Variants in DENND5B observed in about 807,000 individuals in gnomAD.
The protein encoded by DENND5B is DENN domain containing 5B, also known as DENN domain-containing protein 5B.
DENND5B carries 34 observed loss-of-function variants against 140.6 expected under a neutral mutation model. The observed-to-expected ratio is 0.24, with a 90% confidence interval of 0.18 to 0.32. DENND5B has a LOEUF of 0.32. Among genes scored for constraint, DENND5B ranks in the 10% least tolerant of loss-of-function variants. DENND5B has a pLI of 1.00. For synonymous variants in DENND5B, 551 were observed against 562.1 expected (o/e 0.98, Z 0.28); for missense variants, 1,142 against 1,560.2 (o/e 0.73, Z 4.52).
At chr12:31,526,609 G>A (rs1948092487) in intron 1 of DENND5B, among the ~76,000 whole-genome samples, 1 of 152,204 alleles carries the variant, frequency 6.6e-6, no homozygotes, top group South Asian at 2.1e-4. Context: ...GAGATTAGGG[G>A]AGACTAAAGA....
chr12:31,473,542 A>G (rs182207783), intron 3 of DENND5B, among the ~76,000 whole-genome samples: 13 of 152,286 alleles, frequency 8.5e-5, no homozygotes, highest in Admixed American at 8.5e-4. Context: ...GCACTGGTAC[A>G]GACAAATTCT....
At chr12:31,398,825 T>C (rs1225882624) in intron 16 of DENND5B, among the ~76,000 whole-genome samples, 2 of 152,062 alleles carry the variant, frequency 1.3e-5, no homozygotes, top group African/African-American at 4.8e-5. Flanking sequence ...TCTGTTGTTT[T>C]AAAAAGTTTT....
chr12:31,469,371 T>G (rs1344536452), intron 3 of DENND5B, among the ~76,000 whole-genome samples: 1 of 135,414 alleles, frequency 7.4e-6, no homozygotes, highest in African/African-American at 2.7e-5. Flanking sequence ...GAAGAAGAAA[T>G]ATAGAGGAGC....
chr12:31,426,547 T>C, intron 8 of DENND5B, 123 bp from the exon 9 acceptor site: 2 of 1,085,462 alleles, frequency 1.8e-6, no homozygotes, highest in Non-Finnish European at 2.6e-6. Flanking sequence ...TATGTGCATA[T>C]AACAACAATT....
Position 31,528,641 on chromosome 12 carries a change from C to T in DENND5B, c.128-32722G>A, listed in dbSNP as rs559792381. 9.9e-5 allele frequency among the ~76,000 whole-genome samples: 15 copies of T among 152,202 alleles called. No individual in the cohort carries two copies. The South Asian group carries it at 2.1e-3, about 21-fold the overall frequency. On this transcript the variant is annotated intron_variant, in intron 1 of 20. Coordinates refer to ENST00000389082, the MANE Select transcript of DENND5B (RefSeq NM_144973.4). The stretch of plus-strand genomic sequence containing the variant: ...GATACAAAGAGAGTAATAAAGAAAG[C>T]GTGCAAGGCTTTTGAGAGACTGCAC...
At chr12:31,491,195 C>A (rs1565632343) in intron 2 of DENND5B, among the ~76,000 whole-genome samples, 2 of 152,066 alleles carry the variant, frequency 1.3e-5, no homozygotes, top group Non-Finnish European at 2.9e-5. Context: ...AAATGCAGAC[C>A]AGGCACAGTG....
intron 1 of DENND5B, among the ~76,000 whole-genome samples, chr12:31,547,792 A>G (rs1021689690): frequency 6.6e-6 from 1 of 150,704 alleles, no homozygotes; most frequent in Non-Finnish European, 1.5e-5. Flanking sequence ...TGCAACCTCT[A>G]CCACCGGGTT....
chr12:31,557,061 G>C (rs561679051), intron 1 of DENND5B, among the ~76,000 whole-genome samples: 11 of 152,248 alleles, frequency 7.2e-5, no homozygotes, highest in African/African-American at 2.6e-4. Flanking sequence ...TGGTATTCTA[G>C]ATAATGTAGA....
At chr12:31,589,719 G>T (rs1950534543) in intron 1 of DENND5B, among the ~76,000 whole-genome samples, 1 of 151,896 alleles carries the variant, frequency 6.6e-6, no homozygotes. Flanking sequence ...TCAGGCGGTA[G>T]ATGTCACTTC....
intron 3 of DENND5B, among the ~76,000 whole-genome samples, chr12:31,469,086 A>C (rs1412909574): frequency 6.6e-6 from 1 of 152,132 alleles, no homozygotes; most frequent in African/African-American, 2.4e-5. Context: ...CTGTAATCCC[A>C]GCACTTGGGA....
chr12:31,412,767 T>C (rs182428003), intron 13 of DENND5B, among the ~76,000 whole-genome samples: 2 of 152,220 alleles, frequency 1.3e-5, no homozygotes, highest in Non-Finnish European at 2.9e-5. Flanking sequence ...TTTCTTTTTT[T>C]ACTCCAGGTT....
At chr12:31,404,743 C>T (rs186900152) in intron 14 of DENND5B, among the ~76,000 whole-genome samples, 9 of 144,490 alleles carry the variant, frequency 6.2e-5, no homozygotes, top group African/African-American at 2.0e-4. Context: ...CATAAGCCAC[C>T]GCGTCCGACC....
At chr12:31,551,739 T>C (rs1023660203) in intron 1 of DENND5B, among the ~76,000 whole-genome samples, 2 of 152,204 alleles carry the variant, frequency 1.3e-5, no homozygotes, top group Admixed American at 6.5e-5. Flanking sequence ...TTTTATTTCA[T>C]TGAGCAGTGG....
rs145550795 is a variant in DENND5B at position 31,485,410 on chromosome 12, C to T, written c.238-5155G>A. Among the ~76,000 whole-genome samples the T allele has an allele frequency of 1.3e-3, 205 of 152,286 alleles. 1 individual carries two copies. The highest frequency in any genetic ancestry group is 4.7e-3 in the African/African-American group (197 of 41,562). Reference sequence around the variant, plus strand: ...CAAATCCCAAAGCACGGATATTTTACGTTACAGGAATAAACAAACTTATTT... The same window carrying T: ...CAAATCCCAAAGCACGGATATTTTATGTTACAGGAATAAACAAACTTATTT... On this transcript the variant is annotated intron_variant, in intron 2 of 20. Coordinates refer to ENST00000389082, the MANE Select transcript of DENND5B (RefSeq NM_144973.4).
At position 31,451,993 on chromosome 12, in the gene DENND5B, G is replaced by C; in HGVS notation, c.1576C>G (p.Gln526Glu). Reference protein sequence around the residue: ...DYEAFVIQTAQDMESWLTNRE... With the variant: ...DYEAFVIQTAEDMESWLTNRE... ...TTGGTCAGCCAGGATTCCATGTCCT[G>C]GGCAGTCTGAATGACAAATGCTTCG... The change falls in exon 5 of 21, where the codon CAG (glutamine) becomes GAG (glutamate). Residue 526 changes from glutamine to glutamate, a missense_variant. By Grantham distance (29) the Gln-to-Glu change is conservative. Coordinates refer to ENST00000389082, the MANE Select transcript of DENND5B (RefSeq NM_144973.4). 3 of 1,613,594 alleles carry C rather than the reference G, an allele frequency of 1.9e-6. No individual in the cohort carries two copies. Among genetic ancestry groups the C allele is most frequent in the Non-Finnish European group, 2.5e-6 (3 of 1,179,830 alleles).
At chr12:31,514,778 G>GGT (rs1947560964) in intron 1 of DENND5B, among the ~76,000 whole-genome samples, 1 of 150,206 alleles carries the variant, frequency 6.7e-6, no homozygotes. Context: ...AGCTGAGACT[G>GGT]CACCACTGCA....
intron 8 of DENND5B, chr12:31,426,700 T>G (rs1467656228): frequency 7.0e-6 from 2 of 287,070 alleles, no homozygotes; most frequent in Non-Finnish European, 1.3e-5. Context: ...CATTTAGTCT[T>G]TTTATTGGGA....
intron 19 of DENND5B, among the ~76,000 whole-genome samples, chr12:31,391,726 G>A (rs555168341): frequency 1.3e-5 from 2 of 152,222 alleles, no homozygotes; most frequent in Non-Finnish European, 1.5e-5. Context: ...GATCATGGCT[G>A]ACTGCAGCCT....
At chr12:31,444,781 T>G (rs1593181519) in intron 6 of DENND5B, among the ~76,000 whole-genome samples, 1 of 152,214 alleles carries the variant, frequency 6.6e-6, no homozygotes, top group East Asian at 1.9e-4. Flanking sequence ...CATTTTATTC[T>G]CTGAACAAGG....
Sources: gnomAD v4.1 joint callset for allele counts (sites outside exome capture counted in the v4.1 genomes callset) on GRCh38, gnomAD v4.1.1 for gene constraint, MANE v1.5 for transcripts, NCBI Gene and HGNC (gene_info 2026-07-23, HGNC 2026-07-21) for gene names.